ST6GALNAC5: variants seen among roughly 807,000 people sequenced by gnomAD.
The protein encoded by ST6GALNAC5 is ST6 N-acetylgalactosaminide alpha-2,6-sialyltransferase 5.
ST6GALNAC5 carries 27 observed loss-of-function variants against 33.6 expected under a neutral mutation model. The observed-to-expected ratio is 0.80, with a 90% CI of 0.59 to 1.11. The LOEUF (loss-of-function observed/expected upper bound fraction) is 1.11. Among genes scored for constraint, ST6GALNAC5 ranks in the 50% least tolerant of loss-of-function variants. The pLI is 0.00. For missense variants in ST6GALNAC5, 428 were observed against 454.0 expected (o/e 0.94, Z 0.52); for synonymous variants, 194 against 171.2 (o/e 1.13, Z -1.04).
chr1:76,886,929 G>A lies in ST6GALNAC5; in HGVS notation c.261+18187G>A, dbSNP rs764742493. On this transcript the variant is annotated intron_variant, in intron 2 of 4. Transcript: ENST00000477717. ...TAATATTCCATTGTATGGCTATACC[G>A]TACTTTGTTTTTCCATTCATTAGAT... 4.3e-4 allele frequency among the ~76,000 whole-genome samples: 66 copies of A among 152,184 alleles called. 1 individual carries two copies. The Middle Eastern group carries it at 0.02, about 47-fold the overall frequency.
chr1:77,042,631 C>T (rs1651868640), intron 2 of ST6GALNAC5, among the ~76,000 whole-genome samples: 1 of 152,166 alleles, frequency 6.6e-6, no homozygotes, highest in African/African-American at 2.4e-5. Context: ...TGGACAAGAG[C>T]AAAAGGCTCC....
chr1:77,001,789 C>G (rs994016731), intron 2 of ST6GALNAC5, among the ~76,000 whole-genome samples: 23 of 148,740 alleles, frequency 1.5e-4, no homozygotes, highest in Middle Eastern at 3.2e-3. Flanking sequence ...TGCTGGATTA[C>G]ATTTATTTAT....
intron 2 of ST6GALNAC5, among the ~76,000 whole-genome samples, chr1:77,037,734 G>A (rs1221492725): frequency 3.3e-5 from 5 of 152,090 alleles, no homozygotes; most frequent in Admixed American, 3.3e-4. Flanking sequence ...TAAAAGAAGT[G>A]AACTTAAGAG....
intron 2 of ST6GALNAC5, among the ~76,000 whole-genome samples, chr1:76,882,868 T>C (rs1653813438): frequency 6.6e-6 from 1 of 151,994 alleles, no homozygotes. Context: ...GGCCTAATTC[T>C]CCAACCCTAC....
At chr1:76,983,266 C>A (rs554134730) in intron 2 of ST6GALNAC5, among the ~76,000 whole-genome samples, 1 of 152,216 alleles carries the variant, frequency 6.6e-6, no homozygotes, top group South Asian at 2.1e-4. Context: ...TCAGGAGACC[C>A]ATCTCACATG....
At chr1:76,930,919 C>T (rs1354639009) in intron 2 of ST6GALNAC5, among the ~76,000 whole-genome samples, 5 of 152,142 alleles carry the variant, frequency 3.3e-5, no homozygotes, top group African/African-American at 1.2e-4. Context: ...TTCTTGTCTC[C>T]TGGTGTTCAC....
chr1:76,983,639 C>T (rs139048584), intron 2 of ST6GALNAC5, among the ~76,000 whole-genome samples: 1,649 of 152,328 alleles, frequency 0.011, 33 homozygotes, highest in African/African-American at 0.038. Flanking sequence ...AGGACCTGAA[C>T]TCAGCTCTGC....
intron 2 of ST6GALNAC5, among the ~76,000 whole-genome samples, chr1:76,922,431 C>T (rs915417084): frequency 2.0e-5 from 3 of 152,088 alleles, no homozygotes; most frequent in Non-Finnish European, 4.4e-5. Context: ...TGTCAGTTCT[C>T]CCCAAATTTA....
chr1:76,907,631 T>C (rs1365577504), intron 2 of ST6GALNAC5, among the ~76,000 whole-genome samples: 1 of 152,124 alleles, frequency 6.6e-6, no homozygotes, highest in African/African-American at 2.4e-5. Flanking sequence ...TCTCACTCTT[T>C]GCCGTGAGTT....
chr1:76,902,411 A>C (rs1247573285), intron 2 of ST6GALNAC5, among the ~76,000 whole-genome samples: 2 of 152,154 alleles, frequency 1.3e-5, no homozygotes, highest in African/African-American at 2.4e-5. Context: ...CATGGACAAG[A>C]AGATTTTAAT....
Position 76,868,081 on chromosome 1 carries a change from A to G in ST6GALNAC5, c.15+391A>G, listed in dbSNP as rs778041694. On this transcript the variant is annotated intron_variant, in intron 1 of 4. Coordinates refer to ENST00000477717, the MANE Select transcript of ST6GALNAC5 (RefSeq NM_030965.3). This position sits in a 1 kb window ranked among gnomAD's most constrained non-coding sequence, Gnocchi z 4.3. Reference sequence around the variant, plus strand: ...ACTTTCTTCGTTTTCTTAGATTTCAAACTTGCAAGGATCGCAAGGATCCAG... The same window carrying G: ...ACTTTCTTCGTTTTCTTAGATTTCAGACTTGCAAGGATCGCAAGGATCCAG... 6.7e-4 allele frequency among the ~76,000 whole-genome samples: 102 copies of G among 152,098 alleles called. No homozygotes were observed. The highest frequency in any genetic ancestry group is 8.4e-4 in the Non-Finnish European group (57 of 68,002).
chr1:76,867,605 TGGAAACCCTCCA>T lies in ST6GALNAC5; in HGVS notation c.-65_-54del. The T allele has an allele frequency of 6.2e-7, 1 of 1,613,592 alleles. No homozygotes were observed. Among genetic ancestry groups the T allele is most frequent in the Non-Finnish European group, 8.5e-7 (1 of 1,179,570 alleles). ...GCCGCCTCCGCCCCATTACCCATCA[TGGAAACCCTCCA>T]GGAAAAAGTGGCCCCGGACGCGCGA... On this transcript the variant is annotated 5_prime_UTR_variant, in exon 1 of 5. Coordinates refer to ENST00000477717, the MANE Select transcript of ST6GALNAC5 (RefSeq NM_030965.3).
At chr1:76,933,580 C>T (rs1260971532) in intron 2 of ST6GALNAC5, among the ~76,000 whole-genome samples, 1 of 151,736 alleles carries the variant, frequency 6.6e-6, no homozygotes, top group African/African-American at 2.4e-5. Context: ...GGGTTGTGAC[C>T]AGACAGCTAA....
intron 2 of ST6GALNAC5, among the ~76,000 whole-genome samples, chr1:76,910,627 G>A (rs907775540): frequency 3.9e-5 from 6 of 151,926 alleles, no homozygotes; most frequent in African/African-American, 7.2e-5. Context: ...ACTGAGGATC[G>A]TATGCTTCTA....
intron 2 of ST6GALNAC5, among the ~76,000 whole-genome samples, chr1:77,017,576 AG>A (rs1650899089): frequency 6.6e-6 from 1 of 152,180 alleles, no homozygotes; most frequent in Admixed American, 6.5e-5. Flanking sequence ...GGGAGGCCAA[AG>A]GATTCTAGGT....
intron 4 of ST6GALNAC5, among the ~76,000 whole-genome samples, chr1:77,054,368 G>T (rs1379066241): frequency 6.6e-6 from 1 of 152,174 alleles, no homozygotes; most frequent in South Asian, 2.1e-4. Context: ...CAGGAATATT[G>T]GACCCTTCCA....
chr1:77,044,499 A>G lies in ST6GALNAC5; in HGVS notation c.557A>G (p.Tyr186Cys). ...CGGCGGGACGGCAAGGGCCAGGTCT[A>G]CAACAACCTGCATCTCCTGAGCCAG... ...YMRRDGKGQV[Y>C]NNLHLLSQVL... is the part of the protein sequence containing the mutation. The change falls in exon 3 of 5, where the codon TAC becomes TGC. Residue 186 changes from tyrosine to cysteine, a missense_variant. Physicochemically the swap from Tyr to Cys is radical, Grantham distance 194 (BLOSUM62 -2). Coordinates refer to ENST00000477717, the MANE Select transcript of ST6GALNAC5 (RefSeq NM_030965.3). 5 of 1,613,170 alleles carry G rather than the reference A, an allele frequency of 3.1e-6. No homozygotes were observed. Among genetic ancestry groups the G allele is most frequent in the Non-Finnish European group, 4.2e-6 (5 of 1,179,642 alleles).
rs764342152 is a variant in ST6GALNAC5 at position 76,942,173 on chromosome 1, A to G, written c.261+73431A>G. On this transcript the variant is annotated intron_variant, in intron 2 of 4. Transcript: ENST00000477717. Reference sequence around the variant, plus strand: ...CCATTTATTCCCTCTTCTCATGTACATGGTGGAAGAACACTCATAATTGGC... The same window carrying G: ...CCATTTATTCCCTCTTCTCATGTACGTGGTGGAAGAACACTCATAATTGGC... 6.6e-5 allele frequency among the ~76,000 whole-genome samples: 10 copies of G among 152,246 alleles called. No individual in the cohort carries two copies. The South Asian group carries it at 1.9e-3, about 28-fold the overall frequency.
At chr1:76,956,673 C>T (rs1280554805) in intron 2 of ST6GALNAC5, among the ~76,000 whole-genome samples, 1 of 152,064 alleles carries the variant, frequency 6.6e-6, no homozygotes, top group African/African-American at 2.4e-5. Flanking sequence ...TCCCATTATT[C>T]TCTTTCTAGA....
Sources: gnomAD v4.1 joint callset for allele counts (sites outside exome capture counted in the v4.1 genomes callset) on GRCh38, gnomAD v4.1.1 for gene constraint, Gnocchi (gnomAD v3.1) non-coding constraint, MANE v1.5 for transcripts, NCBI Gene and HGNC (gene_info 2026-07-23, HGNC 2026-07-21) for gene names.